Variants in STAG3 observed in about 807,000 individuals in gnomAD.
The protein encoded by STAG3 is STAG3 cohesin complex component.
In STAG3, 101 loss-of-function variants were observed where a neutral mutation model predicts 160.7. That is an observed-to-expected ratio of 0.63 (90% CI 0.54 to 0.74). STAG3 has a LOEUF of 0.74. STAG3 is among the 30% of genes least tolerant of loss of function. The pLI, the probability that STAG3 is intolerant of heterozygous loss-of-function variation, is 0.00. For missense variants in STAG3, 1,188 were observed against 1,517.4 expected (o/e 0.78, Z 3.61); for synonymous variants, 519 against 585.0 (o/e 0.89, Z 1.63).
At chr7:100,196,683 C>T (rs1800713680) in intron 9 of STAG3, among the ~76,000 whole-genome samples, 1 of 151,774 alleles carries the variant, frequency 6.6e-6, no homozygotes, top group Non-Finnish European at 1.5e-5. Context: ...CCCAGCTACT[C>T]GGGAGGCTGA....
At chr7:100,217,734 G>A (rs1802888268), downstream of STAG3, among the ~76,000 whole-genome samples, 1 of 152,110 alleles carries the variant, frequency 6.6e-6, no homozygotes, top group African/African-American at 2.4e-5. Context: ...TACCTTTTAG[G>A]TAGCCGAGGC....
At chr7:100,203,830 G>A (rs923329312) in intron 25 of STAG3, among the ~76,000 whole-genome samples, 191 bp from the exon 26 acceptor site, 2 of 152,112 alleles carry the variant, frequency 1.3e-5, no homozygotes, top group Non-Finnish European at 2.9e-5. Context: ...TTTGTTTACC[G>A]AAACTCTGAT....
chr7:100,204,236 C>T lies in STAG3; in HGVS notation c.2802+114C>T. 3 of 777,418 alleles carry T rather than the reference C, an allele frequency of 3.9e-6. No individual in the cohort carries two copies. In the East Asian group the frequency reaches 7.9e-5, roughly 20 times the overall value. The allele number at this position is 777,418 out of a possible 1,614,324, so 48.2% of individuals were successfully genotyped here. A position where few individuals can be genotyped will look rare whatever the true frequency, so the allele number is the denominator to read the frequency against. ...AGCAGTAACTTTTCTTGTTTTGACT[C>T]TTAACTTTACGTGATAGGTTCCTTC... On this transcript the variant is annotated intron_variant, in intron 26 of 33. Transcript: ENST00000615138.
chr7:100,201,232 T>G, intron 20 of STAG3, 32 bp from the exon 21 acceptor site: 1 of 1,613,978 alleles, frequency 6.2e-7, no homozygotes, highest in Non-Finnish European at 8.5e-7. Context: ...TCTGTTCTTT[T>G]CCAGTATAAC....
Position 100,189,427 on chromosome 7 carries a change from C to T in STAG3, c.716-18C>T. The T allele has an allele frequency of 6.2e-7, 1 of 1,607,458 alleles. No homozygotes were observed. Among genetic ancestry groups the T allele is most frequent in the South Asian group, 1.1e-5 (1 of 90,152 alleles). On this transcript the variant is annotated intron_variant, in intron 7 of 33. Coordinates refer to ENST00000615138, the MANE Select transcript of STAG3 (RefSeq NM_001282717.2). ...GACCTCAGTAATGATTTCTTTATCT[C>T]TTTTTCCTTTCTCAAAGCTATGAAA...
intron 29 of STAG3, among the ~76,000 whole-genome samples, 183 bp downstream of exon 29, chr7:100,205,567 C>T (rs1801571712): frequency 6.6e-6 from 1 of 152,204 alleles, no homozygotes; most frequent in African/African-American, 2.4e-5. Flanking sequence ...TGTGGTGGCT[C>T]ATGCCTGCAA....
In STAG3 at chr7:100,188,815, T is replaced by A. The variant is rs1800183297; in HGVS notation, c.514T>A (p.Ser172Thr). The A allele has an allele frequency of 6.2e-7, 1 of 1,614,138 alleles. No homozygotes were observed. The highest frequency in any genetic ancestry group is 1.3e-5 in the African/African-American group (1 of 75,036). The change falls in exon 7 of 34, where the codon TCG becomes ACG. Residue 172 changes from serine (S) to threonine (T), a missense_variant. By Grantham distance (58) the Ser-to-Thr change is moderately conservative. Around this residue, in one of 4 missense-constraint regions of STAG3, gnomAD observed 296 missense variants for 404.0 expected, o/e 0.73. Coordinates refer to ENST00000615138, the MANE Select transcript of STAG3 (RefSeq NM_001282717.2). Reference sequence around the variant, plus strand: ...CTTTTCATACATCCTTTTGTAGGACTCGGGGGACTACCCTCTCATAGCTCC... The same window carrying A: ...CTTTTCATACATCCTTTTGTAGGACACGGGGGACTACCCTCTCATAGCTCC... ...QHLTEQFNEDSGDYPLIAPGP... is the reference protein window; with the variant it reads ...QHLTEQFNEDTGDYPLIAPGP...
At position 100,207,500 on chromosome 7, in the gene STAG3, T is replaced by C. The variant is rs906364263; in HGVS notation, c.3238+2116T>C. On this transcript the variant is annotated intron_variant, in intron 29 of 33. Coordinates refer to ENST00000615138, the MANE Select transcript of STAG3 (RefSeq NM_001282717.2). The surrounding 1 kb of genome is among the most constrained non-coding windows in gnomAD (Gnocchi z 4.0). ...TATTGAGCATCTTTTCATGTGCTTATTGACAATTTGTTTATCTTCTTTGGA... is the reference window on the plus strand; with the variant it reads ...TATTGAGCATCTTTTCATGTGCTTACTGACAATTTGTTTATCTTCTTTGGA... Among the ~76,000 whole-genome samples the C allele has an allele frequency of 3.3e-5, 5 of 152,266 alleles. No individual in the cohort carries two copies. The highest frequency in any genetic ancestry group is 7.3e-5 in the Non-Finnish European group (5 of 68,048).
chr7:100,190,187 C>T (rs1466526540), intron 8 of STAG3, among the ~76,000 whole-genome samples: 1 of 152,130 alleles, frequency 6.6e-6, no homozygotes, highest in Non-Finnish European at 1.5e-5. Context: ...GTTTTGTTTC[C>T]TTTTAAACTT....
chr7:100,182,424 T>A (rs1799707973), intron 3 of STAG3, among the ~76,000 whole-genome samples: 1 of 151,158 alleles, frequency 6.6e-6, no homozygotes, highest in Non-Finnish European at 1.5e-5. Flanking sequence ...AAGGACAAGA[T>A]TTACAAAGTA....
chr7:100,201,743 C>T, intron 21 of STAG3, 43 bp from the exon 22 acceptor site: 3 of 1,573,208 alleles, frequency 1.9e-6, no homozygotes, highest in Middle Eastern at 1.7e-4. Context: ...GTCTCTCCCT[C>T]TCCTAACCCA....
At chr7:100,184,717 C>G (rs1201075021) in intron 4 of STAG3, among the ~76,000 whole-genome samples, 1 of 152,066 alleles carries the variant, frequency 6.6e-6, no homozygotes, top group African/African-American at 2.4e-5. Context: ...CCGCCGGCCT[C>G]GGCCTTCCAA....
At chr7:100,212,921 G>T (rs1364681568) in intron 32 of STAG3, 1 of 152,776 alleles carries the variant, frequency 6.5e-6, no homozygotes, top group East Asian at 1.9e-4. Context: ...AAATAAAATG[G>T]ACCTTTTACA....
chr7:100,182,691 T>G lies in STAG3; in HGVS notation c.220-32T>G, dbSNP rs371037935. On this transcript the variant is annotated intron_variant, in intron 3 of 33. Coordinates refer to ENST00000615138, the MANE Select transcript of STAG3 (RefSeq NM_001282717.2). ...GTCACTGTTACCTTTTTTGTTTTTT[T>G]TTCATATTTCTGATCTTTTTATACA... 2.5e-6 allele frequency: 4 copies of G among 1,607,232 alleles called. No homozygotes were observed. The South Asian group carries it at 4.5e-5, about 18-fold the overall frequency.
At chr7:100,204,508 A>G (rs1801446606) in intron 26 of STAG3, 119 bp from the exon 27 acceptor site, 3 of 1,268,558 alleles carry the variant, frequency 2.4e-6, no homozygotes, top group Non-Finnish European at 2.1e-6. Context: ...GGAAAGAGTA[A>G]AAGTAGTAGA....
At chr7:100,186,099 T>C in intron 4 of STAG3, 101 bp from the exon 5 acceptor site, 1 of 936,328 alleles carries the variant, frequency 1.1e-6, no homozygotes. Context: ...ATGTTTTAAA[T>C]GTTTTACAGA....
At position 100,205,260 on chromosome 7, in the gene STAG3, C is replaced by G; in HGVS notation, c.3114C>G (p.Val1038=). 6.2e-7 allele frequency: 1 copy of G among 1,614,110 alleles called. No homozygotes were observed. The highest frequency in any genetic ancestry group is 1.3e-5 in the African/African-American group (1 of 75,030). The stretch of plus-strand genomic sequence containing the variant: ...ATCTAGAAAAGTGCCTGCAGCATGT[C>G]TCCCAGGCACCTGGCCATCCCTGGG... The part of the protein sequence containing the change: ...LSYLEKCLQH[V]SQAPGHPWGP... Residue 1038 remains valine (V), a synonymous_variant, in exon 29 of 34, where the codon GTC becomes GTG. Coordinates refer to ENST00000615138, the MANE Select transcript of STAG3 (RefSeq NM_001282717.2).
intron 8 of STAG3, among the ~76,000 whole-genome samples, chr7:100,190,184 T>G (rs966425582): frequency 1.2e-4 from 19 of 152,226 alleles, no homozygotes; most frequent in African/African-American, 4.3e-4. Flanking sequence ...CTTGTTTTGT[T>G]TCCTTTTAAA....
intron 1 of STAG3, among the ~76,000 whole-genome samples, chr7:100,178,311 CTTT>C (rs1799406497): frequency 6.6e-6 from 1 of 152,158 alleles, no homozygotes; most frequent in Non-Finnish European, 1.5e-5. Flanking sequence ...GCCTTTCCTC[CTTT>C]TGCGTTTCCA....
Sources: gnomAD v4.1 joint callset for allele counts (sites outside exome capture counted in the v4.1 genomes callset) on GRCh38, gnomAD v4.1.1 for gene constraint, gnomAD v4.1.1 regional missense constraint, Gnocchi (gnomAD v3.1) non-coding constraint, MANE v1.5 for transcripts, NCBI Gene and HGNC (gene_info 2026-07-23, HGNC 2026-07-21) for gene names.